Variants in SLC4A4 observed in about 807,000 individuals in gnomAD.
The protein encoded by SLC4A4 is solute carrier family 4 member 4.
SLC4A4 carries 27 observed loss-of-function variants against 111.5 expected under a neutral mutation model. The observed-to-expected ratio is 0.24, with a 90% CI of 0.18 to 0.33. The LOEUF is 0.33. Among genes scored for constraint, SLC4A4 ranks in the 10% least tolerant of loss-of-function variants. SLC4A4 has a pLI of 1.00. For synonymous variants in SLC4A4, 443 were observed against 463.4 expected (o/e 0.96, Z 0.57); for missense variants, 909 against 1,315.5 (o/e 0.69, Z 4.78).
At chr4:71,469,371 T>C (rs1429481781) in intron 13 of SLC4A4, among the ~76,000 whole-genome samples, 1 of 151,864 alleles carries the variant, frequency 6.6e-6, no homozygotes, top group African/African-American at 2.4e-5. Context: ...ACCGGATGTA[T>C]TTTTTTAGGG....
chr4:71,080,458 G>T (rs1309700629), intron 1 of SLC4A4, among the ~76,000 whole-genome samples: 4 of 151,980 alleles, frequency 2.6e-5, no homozygotes, highest in African/African-American at 9.7e-5. Context: ...AAACCAATTG[G>T]CTAAAATTCT....
At chr4:71,280,343 T>G (rs1310967829) in intron 3 of SLC4A4, among the ~76,000 whole-genome samples, 1 of 152,250 alleles carries the variant, frequency 6.6e-6, no homozygotes, top group Non-Finnish European at 1.5e-5. Flanking sequence ...TTCTTTCATT[T>G]CATAGGTTGC....
At chr4:71,346,525 GTT>G (rs201899572) in intron 4 of SLC4A4, among the ~76,000 whole-genome samples, 1 of 142,562 alleles carries the variant, frequency 7.0e-6, no homozygotes, top group Admixed American at 7.0e-5. Flanking sequence ...TAAAAAGTCT[GTT>G]TTTTTTTTTT....
At chr4:71,072,307 C>G (rs1741687889) in intron 1 of SLC4A4, among the ~76,000 whole-genome samples, 1 of 152,030 alleles carries the variant, frequency 6.6e-6, no homozygotes, top group Admixed American at 6.6e-5. Context: ...GTTGTTGTTC[C>G]CAAACCATAT....
intron 24 of SLC4A4, among the ~76,000 whole-genome samples, chr4:71,565,056 A>G (rs1737337268): frequency 6.6e-6 from 1 of 151,694 alleles, no homozygotes; most frequent in Non-Finnish European, 1.5e-5. Context: ...TGAAAATTAT[A>G]GTATACTCCA....
intron 16 of SLC4A4, among the ~76,000 whole-genome samples, chr4:71,520,435 A>T (rs551325730): frequency 6.6e-6 from 1 of 152,344 alleles, no homozygotes; most frequent in African/African-American, 2.4e-5. Context: ...AGTCAAGTAC[A>T]GATTAGTGCT....
At chr4:71,543,061 A>G (rs1578152724) in intron 18 of SLC4A4, among the ~76,000 whole-genome samples, 1 of 152,222 alleles carries the variant, frequency 6.6e-6, no homozygotes, top group East Asian at 1.9e-4. Flanking sequence ...GACACCGCAA[A>G]TGTGGCTGAT....
intron 2 of SLC4A4, among the ~76,000 whole-genome samples, chr4:71,119,307 A>T (rs1743353275): frequency 6.6e-6 from 1 of 152,034 alleles, no homozygotes; most frequent in Non-Finnish European, 1.5e-5. Flanking sequence ...CCTATTACTC[A>T]TTTGTATTTA....
chr4:71,469,079 C>G (rs1727639093), intron 13 of SLC4A4, among the ~76,000 whole-genome samples: 2 of 151,964 alleles, frequency 1.3e-5, no homozygotes, highest in Non-Finnish European at 2.9e-5. Flanking sequence ...GAAAATAGCT[C>G]ACAACTTTTC....
chr4:71,405,617 G>C (rs940409328), intron 7 of SLC4A4, among the ~76,000 whole-genome samples: 1 of 152,154 alleles, frequency 6.6e-6, no homozygotes, highest in African/African-American at 2.4e-5. Context: ...GGATTACCGT[G>C]TATTGCGAAT....
At chr4:71,069,861 T>C (rs2148929634) in intron 1 of SLC4A4, among the ~76,000 whole-genome samples, 1 of 152,292 alleles carries the variant, frequency 6.6e-6, no homozygotes, top group East Asian at 1.9e-4. Context: ...AAGTACAGCA[T>C]TTAATTTTCT....
chr4:71,079,980 C>T (rs1446832941), intron 1 of SLC4A4, among the ~76,000 whole-genome samples: 1 of 151,986 alleles, frequency 6.6e-6, no homozygotes, highest in Non-Finnish European at 1.5e-5. Flanking sequence ...AGCAGTTCTC[C>T]TGCCCGTGTG....
intron 12 of SLC4A4, among the ~76,000 whole-genome samples, chr4:71,465,810 T>C (rs1727257717): frequency 6.6e-6 from 1 of 152,076 alleles, no homozygotes; most frequent in African/African-American, 2.4e-5. Context: ...CCAGCACATA[T>C]ATTTTCTCTA....
intron 10 of SLC4A4, 100 bp from the exon 11 acceptor site, chr4:71,451,088 G>T: frequency 1.3e-6 from 1 of 788,328 alleles, no homozygotes; most frequent in Non-Finnish European, 2.2e-6. Context: ...TCACCTTAAG[G>T]GTTTTCACTC....
chr4:71,191,910 A>G (rs1745749056), intron 1 of SLC4A4, among the ~76,000 whole-genome samples: 1 of 152,202 alleles, frequency 6.6e-6, no homozygotes, highest in South Asian at 2.1e-4. Context: ...GAATTTCTGT[A>G]TTAGAAACCT....
intron 2 of SLC4A4, among the ~76,000 whole-genome samples, chr4:71,102,056 CA>C (rs1172749065): frequency 1.3e-5 from 2 of 151,468 alleles, no homozygotes; most frequent in Non-Finnish European, 2.9e-5. Flanking sequence ...CTAGAATAAC[CA>C]ATACAGAGAA....
chr4:71,423,160 G>C (rs550092228), intron 7 of SLC4A4, among the ~76,000 whole-genome samples: 1 of 152,162 alleles, frequency 6.6e-6, no homozygotes, highest in Non-Finnish European at 1.5e-5. Context: ...CAAAGTCAAT[G>C]TACAAAAATC....
At chr4:71,343,096 T>C (rs1040552010) in intron 4 of SLC4A4, among the ~76,000 whole-genome samples, 7 of 152,350 alleles carry the variant, frequency 4.6e-5, no homozygotes, top group Middle Eastern at 3.4e-3. Flanking sequence ...TTCACTATCA[T>C]ATTTCTAGTT....
intron 3 of SLC4A4, among the ~76,000 whole-genome samples, chr4:71,259,994 G>A (rs1461444802): frequency 2.0e-5 from 3 of 152,148 alleles, no homozygotes; most frequent in African/African-American, 7.2e-5. Flanking sequence ...TGCCCGTTGT[G>A]GAATCATAGC....
Sources: allele counts gnomAD v4.1 joint callset (sites outside exome capture counted in the v4.1 genomes callset), GRCh38; gene constraint gnomAD v4.1.1; transcripts MANE v1.5; gene names NCBI Gene and HGNC (gene_info 2026-07-23, HGNC 2026-07-21).